The following KIAA1671 variants were observed in gnomAD, a reference collection of about 807,000 sequenced individuals.
The protein encoded by KIAA1671 is KIAA1671.
KIAA1671 carries 52 observed loss-of-function variants against 131.2 expected under a neutral mutation model. The observed-to-expected ratio is 0.40, with a 90% CI of 0.32 to 0.50. KIAA1671 has a LOEUF of 0.50. Among genes scored for constraint, KIAA1671 ranks in the 20% least tolerant of loss-of-function variants. The pLI is 0.73. For missense variants in KIAA1671, 2,360 were observed against 2,364.2 expected (o/e 1.00, Z 0.04); for synonymous variants, 1,003 against 961.6 (o/e 1.04, Z -0.80).
At chr22:24,979,346 A>ATT (rs199628002) in intron 1 of KIAA1671, among the ~76,000 whole-genome samples, 18 of 130,656 alleles carry the variant, frequency 1.4e-4, no homozygotes, top group East Asian at 7.6e-4. Context: ...TTATTTATTT[A>ATT]TTTATTTATT....
intron 1 of KIAA1671, among the ~76,000 whole-genome samples, chr22:24,970,910 A>G (rs1602034380): frequency 1.3e-5 from 2 of 152,264 alleles, no homozygotes; most frequent in East Asian, 3.9e-4. Context: ...CTTGCTATGC[A>G]CTATCTCACT....
intron 6 of KIAA1671, among the ~76,000 whole-genome samples, chr22:25,141,391 C>T (rs1932804798): frequency 7.3e-6 from 1 of 137,054 alleles, no homozygotes; most frequent in African/African-American, 2.7e-5. Flanking sequence ...TGCCACCACA[C>T]CTGGCTAATT....
chr22:25,073,473 C>T (rs1413191543), intron 6 of KIAA1671, among the ~76,000 whole-genome samples: 3 of 152,182 alleles, frequency 2.0e-5, no homozygotes, highest in Admixed American at 6.5e-5. Flanking sequence ...ATTAGTACTG[C>T]AGTCAAGCAA....
chr22:25,072,805 T>A (rs1219621700), intron 6 of KIAA1671, among the ~76,000 whole-genome samples: 1 of 152,198 alleles, frequency 6.6e-6, no homozygotes, highest in Non-Finnish European at 1.5e-5. Context: ...TCCCAGAATG[T>A]CAGTTCCTCC....
intron 5 of KIAA1671, among the ~76,000 whole-genome samples, chr22:25,043,718 G>A (rs1263107825): frequency 2.0e-5 from 3 of 152,294 alleles, no homozygotes; most frequent in Admixed American, 2.0e-4. Flanking sequence ...CATGCTTTTG[G>A]GTGGGCTGAT....
In KIAA1671 at chr22:25,029,269, G is replaced by A; in HGVS notation, c.1270G>A (p.Glu424Lys). 2.0e-6 allele frequency: 3 copies of A among 1,501,708 alleles called. No homozygotes were observed. The highest frequency in any genetic ancestry group is 2.7e-6 in the Non-Finnish European group (3 of 1,119,758). 93.0% of individuals were successfully genotyped at this position (1,501,708 alleles called of 1,614,324 possible). The change falls in exon 3 of 13, where the codon GAG (glutamate) becomes AAG (lysine). Residue 424 changes from glutamate to lysine, a missense_variant. Coordinates refer to ENST00000358431, the MANE Select transcript of KIAA1671 (RefSeq NM_001145206.2). ...GGTTAAGAGCAGAGTGGCGGATGGG[G>A]AGGCCGCGGCAGGGGGAGAGTGGGC... ...AEVKSRVADG[E>K]AAAGGEWASR... is the part of the protein sequence containing the mutation.
intron 1 of KIAA1671, among the ~76,000 whole-genome samples, chr22:25,000,816 CT>C (rs141521196): frequency 8.4e-4 from 121 of 144,246 alleles, no homozygotes; most frequent in African/African-American, 1.2e-3. Flanking sequence ...CTGCACCTGG[CT>C]TTTTTTTTTT....
chr22:24,979,949 T>C (rs1033553466), intron 1 of KIAA1671, among the ~76,000 whole-genome samples: 1 of 152,110 alleles, frequency 6.6e-6, no homozygotes, highest in Non-Finnish European at 1.5e-5. Flanking sequence ...TGTTGTAGCA[T>C]GTAAGAATTC....
chr22:25,000,578 G>T (rs111871964), intron 1 of KIAA1671, among the ~76,000 whole-genome samples: 1 of 150,010 alleles, frequency 6.7e-6, no homozygotes, highest in Non-Finnish European at 1.5e-5. Flanking sequence ...GTTCAGTGGC[G>T]CAGTCTTGGC....
intron 6 of KIAA1671, among the ~76,000 whole-genome samples, chr22:25,123,936 G>A (rs1932063002): frequency 6.6e-6 from 1 of 152,230 alleles, no homozygotes; most frequent in South Asian, 2.1e-4. Context: ...GATGGCCAGG[G>A]AGTATTATTT....
intron 6 of KIAA1671, among the ~76,000 whole-genome samples, chr22:25,169,906 T>C (rs556598466): frequency 1.6e-4 from 24 of 152,134 alleles, no homozygotes; most frequent in Non-Finnish European, 2.4e-4. Flanking sequence ...GGCTATTTGA[T>C]TTGGGGCGTG....
At chr22:24,975,776 C>T (rs758400942) in intron 1 of KIAA1671, among the ~76,000 whole-genome samples, 1 of 152,152 alleles carries the variant, frequency 6.6e-6, no homozygotes, top group Non-Finnish European at 1.5e-5. Flanking sequence ...AGGGAATTGA[C>T]TCCACCAAGG....
chr22:25,105,812 A>T (rs1568958498), intron 6 of KIAA1671, among the ~76,000 whole-genome samples: 1 of 68,836 alleles, frequency 1.5e-5, no homozygotes, highest in Admixed American at 1.6e-4. Flanking sequence ...TGTCACAGGT[A>T]TGAAGTTGGG....
At chr22:24,975,665 A>G (rs1334428459) in intron 1 of KIAA1671, among the ~76,000 whole-genome samples, 1 of 152,142 alleles carries the variant, frequency 6.6e-6, no homozygotes, top group Non-Finnish European at 1.5e-5. Context: ...GTAGGTCAAG[A>G]ATGGCAGATA....
chr22:25,133,719 T>C lies in KIAA1671; in HGVS notation c.4531-37101T>C, dbSNP rs1424396163. Among the ~76,000 whole-genome samples, 7 of 152,072 alleles carry C rather than the reference T, an allele frequency of 4.6e-5. No homozygotes were observed. In the East Asian group the frequency reaches 1.3e-3, roughly 29 times the overall value. On this transcript the variant is annotated intron_variant, in intron 6 of 12. Coordinates refer to ENST00000358431, the MANE Select transcript of KIAA1671 (RefSeq NM_001145206.2). Reference sequence around the variant, plus strand: ...CATGGTGCCTGGCTAATTAAAAAATTTTTTTTCTTGTAGAGATGGGGTCTT... The same window carrying C: ...CATGGTGCCTGGCTAATTAAAAAATCTTTTTTCTTGTAGAGATGGGGTCTT...
chr22:25,144,566 G>C (rs912032043), intron 6 of KIAA1671, among the ~76,000 whole-genome samples: 6 of 152,180 alleles, frequency 3.9e-5, no homozygotes, highest in African/African-American at 7.2e-5. Flanking sequence ...GTGTGGACTT[G>C]GGCTGGAATA....
At chr22:24,990,887 C>T (rs1466366086) in intron 1 of KIAA1671, among the ~76,000 whole-genome samples, 1 of 148,576 alleles carries the variant, frequency 6.7e-6, no homozygotes, top group Non-Finnish European at 1.5e-5. Flanking sequence ...AACCGAGGCT[C>T]GGGTGCCACA....
At chr22:25,057,432 G>C (rs1304005368) in intron 6 of KIAA1671, 1 of 152,258 alleles carries the variant, frequency 6.6e-6, no homozygotes. Flanking sequence ...TTGTGGAGTA[G>C]GCCAGCATCC....
intron 9 of KIAA1671, among the ~76,000 whole-genome samples, chr22:25,177,725 A>G (rs1256883844): frequency 6.6e-6 from 1 of 152,156 alleles, no homozygotes; most frequent in African/African-American, 2.4e-5. Flanking sequence ...ACTTTACTAC[A>G]TGGATGAGAT....
Sources: gnomAD v4.1 joint callset for allele counts (sites outside exome capture counted in the v4.1 genomes callset) on GRCh38, gnomAD v4.1.1 for gene constraint, MANE v1.5 for transcripts, NCBI Gene and HGNC (gene_info 2026-07-23, HGNC 2026-07-21) for gene names.